Variants in ZNF479 observed in about 807,000 individuals in gnomAD.
ZNF479 encodes the protein zinc finger protein 479, also known as KRAB zinc finger protein KR19.
In ZNF479, 15 loss-of-function variants were observed where a neutral mutation model predicts 14.7. That is an observed-to-expected ratio of 1.02 (90% CI 0.68 to 1.57). The LOEUF (loss-of-function observed/expected upper bound fraction) is 1.57. Ranked by LOEUF, ZNF479 falls within the 40% of genes most tolerant of loss-of-function variation. The pLI is 0.00. For missense variants in ZNF479, 506 were observed against 615.1 expected, an observed-to-expected ratio of 0.82 and a Z score of 1.88; for synonymous variants, 145 against 211.5, an observed-to-expected ratio of 0.69 and a Z score of 2.73.
Position 57,120,785 on chromosome 7 carries a change from C to A in ZNF479, c.630G>T (p.Glu210Asp), listed in dbSNP as rs1554400342. 6.2e-7 allele frequency: 1 copy of A among 1,612,450 alleles called. No homozygotes were observed. The highest frequency in any genetic ancestry group is 1.1e-5 in the South Asian group (1 of 90,918). The part of the protein sequence containing the change: ...LNQHQVIHTR[E>D]KSYKCKECGK... ...CACATTCTTTGCATTTGTAGGACTT[C>A]TCCCTAGTATGAATTACCTGATGTT... Residue 210 changes from glutamate (E) to aspartate (D), a missense_variant, in exon 4 of 4, where the codon GAG (glutamate) becomes GAT (aspartate). This residue lies in a region of ZNF479 where 420 missense variants were observed against 474.2 expected (regional missense o/e 0.89). Transcript: ENST00000319636.
rs1785928955 is a variant in ZNF479 at position 57,121,170 on chromosome 7, C to T, written c.263-18G>A. 3 of 1,613,422 alleles carry T rather than the reference C, an allele frequency of 1.9e-6. No individual in the cohort carries two copies. Among genetic ancestry groups the T allele is most frequent in the East Asian group, 2.2e-5 (1 of 44,874 alleles). On this transcript the variant is annotated intron_variant, in intron 3 of 3. Coordinates refer to ENST00000319636, the MANE Select transcript of ZNF479 (RefSeq NM_001370129.2). ...ACGCGTAACTGAAAGACACAAAAAG[C>T]ACAAGTTACTCCACTTTCTGGACTC...
At chr7:57,121,433 G>A (rs1785946156) in intron 3 of ZNF479, among the ~76,000 whole-genome samples, 1 of 152,164 alleles carries the variant, frequency 6.6e-6, no homozygotes, top group African/African-American at 2.4e-5. Context: ...ACCCAACACA[G>A]CCCTTCCTCA....
intron 1 of ZNF479, 48 bp from the exon 2 acceptor site, chr7:57,126,766 C>T (rs1583939002): frequency 6.2e-7 from 1 of 1,612,502 alleles, no homozygotes; most frequent in African/African-American, 1.3e-5. Context: ...AAGCACTTAC[C>T]ACACGGCCAT....
Position 57,118,856 on chromosome 7 carries a change from TA to T in ZNF479, c.*983del, listed in dbSNP as rs1554399465. Among the ~76,000 whole-genome samples, 2 of 81,062 alleles carry T rather than the reference TA, an allele frequency of 2.5e-5. No individual in the cohort carries two copies. Among genetic ancestry groups the T allele is most frequent in the African/African-American group, 6.1e-5 (2 of 32,710 alleles). 53.2% of individuals were successfully genotyped at this position (81,062 alleles called of 152,430 possible). A position where few individuals can be genotyped will look rare whatever the true frequency, so the allele number is the denominator to read the frequency against. On this transcript the variant is annotated 3_prime_UTR_variant, in exon 4 of 4. Coordinates refer to ENST00000319636, the MANE Select transcript of ZNF479 (RefSeq NM_001370129.2). ...TGTAGGAGTCTTCTTCAGTATAAACTATCTTACCTACCATAACGTGTGACTA... is the reference window on the plus strand; with the variant it reads ...TGTAGGAGTCTTCTTCAGTATAAACTTCTTACCTACCATAACGTGTGACTA...
intron 3 of ZNF479, among the ~76,000 whole-genome samples, chr7:57,123,751 T>C (rs1177833095): frequency 6.6e-6 from 1 of 152,022 alleles, no homozygotes; most frequent in African/African-American, 2.4e-5. Context: ...AAGGATTACT[T>C]GAGTCCAAGA....
chr7:57,130,376 G>C (rs749206841), intron 1 of ZNF479, among the ~76,000 whole-genome samples: 6 of 152,084 alleles, frequency 3.9e-5, no homozygotes, highest in Non-Finnish European at 7.4e-5. Context: ...CAAAGGCTGA[G>C]GCAGGAGAAT....
chr7:57,130,799 C>A (rs558210956), intron 1 of ZNF479, among the ~76,000 whole-genome samples: 94 of 152,282 alleles, frequency 6.2e-4, no homozygotes, highest in African/African-American at 2.2e-3. Context: ...AAGACACATG[C>A]ACGCATATGT....
intron 3 of ZNF479, among the ~76,000 whole-genome samples, chr7:57,124,317 T>C (rs563441116): frequency 6.6e-6 from 1 of 152,312 alleles, no homozygotes; most frequent in South Asian, 2.1e-4. Context: ...TGAACTCTTC[T>C]GTGTATGACC....
At chr7:57,137,195 G>A (rs964356172), upstream of ZNF479, among the ~76,000 whole-genome samples, 11 of 152,096 alleles carry the variant, frequency 7.2e-5, no homozygotes, top group South Asian at 2.1e-4. Flanking sequence ...GGAATGCAGC[G>A]GCACAATCTT....
intron 1 of ZNF479, among the ~76,000 whole-genome samples, chr7:57,129,319 A>C (rs1364748634): frequency 2.6e-5 from 4 of 152,186 alleles, no homozygotes; most frequent in Non-Finnish European, 1.5e-5. Context: ...CGCTCTATGC[A>C]ACGTGATTCT....
At chr7:57,125,532 T>C (rs1786123400) in intron 3 of ZNF479, among the ~76,000 whole-genome samples, 2 of 151,336 alleles carry the variant, frequency 1.3e-5, no homozygotes, top group Non-Finnish European at 2.9e-5. Context: ...TTAAAAAATT[T>C]GTAAAAAATT....
Position 57,126,572 on chromosome 7 carries a change from T to C in ZNF479, c.166+20A>G. On this transcript the variant is annotated intron_variant, in intron 2 of 3. Transcript: ENST00000319636. ...GAGAAAAGCAATATATTAGGAATTATGTACTGAAGTTATCCTCACCCAGGG... is the reference window on the plus strand; with the variant it reads ...GAGAAAAGCAATATATTAGGAATTACGTACTGAAGTTATCCTCACCCAGGG... The C allele has an allele frequency of 6.9e-6, 11 of 1,597,080 alleles. No individual in the cohort carries two copies. The highest frequency in any genetic ancestry group is 1.4e-5 in the African/African-American group (1 of 73,712).
intron 1 of ZNF479, among the ~76,000 whole-genome samples, chr7:57,130,783 A>G (rs1305327851): frequency 1.3e-5 from 2 of 152,200 alleles, no homozygotes; most frequent in Non-Finnish European, 1.5e-5. Context: ...AAGTTTTTCT[A>G]CCATGAAGAC....
chr7:57,121,256 C>T (rs1395987230), intron 3 of ZNF479, 104 bp from the exon 4 acceptor site: 7 of 1,312,364 alleles, frequency 5.3e-6, no homozygotes, highest in Non-Finnish European at 7.4e-6. Flanking sequence ...AGCAAAATGC[C>T]ATATCAAAAT....
rs1786323886 is a variant in ZNF479 at position 57,129,451 on chromosome 7, A to G, written c.40-2733T>C. Among the ~76,000 whole-genome samples the G allele has an allele frequency of 1.3e-5, 2 of 152,204 alleles. 1 individual carries two copies. Among genetic ancestry groups the G allele is most frequent in the South Asian group, 4.1e-4 (2 of 4,824 alleles). ...GCAGGCACAGCAGAGTCCCTTACAC[A>G]CACCACATTTGTCACAATACTAATA... On this transcript the variant is annotated intron_variant, in intron 1 of 3. Transcript: ENST00000319636.
At chr7:57,133,035 G>A (rs1277906019), upstream of ZNF479, among the ~76,000 whole-genome samples, 2 of 152,180 alleles carry the variant, frequency 1.3e-5, no homozygotes, top group African/African-American at 4.8e-5. Context: ...TCGGGAGACT[G>A]AGGCAGGAGA....
upstream of ZNF479, among the ~76,000 whole-genome samples, chr7:57,132,965 G>A (rs1039974255): frequency 2.0e-5 from 3 of 151,962 alleles, no homozygotes; most frequent in Non-Finnish European, 4.4e-5. Flanking sequence ...GTGAAACCCC[G>A]TCTCTACTAA....
rs11981414 is a variant in ZNF479, at chr7:57,120,309, A to G, written c.1106T>C (p.Met369Thr). 541,863 of 1,611,368 alleles carry G rather than the reference A, an allele frequency of 0.34. 94,538 individuals are homozygous for G. Among genetic ancestry groups the G allele is most frequent in the East Asian group, 0.51 (22,793 of 44,724 alleles). Residue 369 changes from methionine (M) to threonine (T), a missense_variant, in exon 4 of 4, where the codon ATG (methionine) becomes ACG (threonine). Transcript: ENST00000319636. The part of the protein sequence containing the change: ...GQAFSLSSNL[M>T]RHRRIHTGEK... ...TCCAGTATGAATTCTCCTATGTCTC[A>G]TAAGGTTCGAGGATAAGCTAAAGGC...
chr7:57,130,750 T>C (rs566182809), intron 1 of ZNF479, among the ~76,000 whole-genome samples: 51 of 152,310 alleles, frequency 3.3e-4, no homozygotes, highest in African/African-American at 1.1e-3. Context: ...AATCCCGCAA[T>C]TGGGAATATA....
Sources: allele counts gnomAD v4.1 joint callset (sites outside exome capture counted in the v4.1 genomes callset), GRCh38; gene constraint gnomAD v4.1.1; regional missense constraint gnomAD v4.1.1; transcripts MANE v1.5; gene names NCBI Gene and HGNC (gene_info 2026-07-23, HGNC 2026-07-21).